Variants in PCDH15 observed in about 807,000 individuals in gnomAD.
PCDH15 encodes the protein protocadherin related 15, also known as protocadherin-15.
PCDH15 carries 129 observed loss-of-function variants against 178.5 expected under a neutral mutation model. The ratio of observed to expected loss-of-function variants is 0.72; its 90% confidence interval spans 0.63 to 0.84. The LOEUF (loss-of-function observed/expected upper bound fraction) is 0.84. Among genes scored for constraint, PCDH15 ranks in the 40% least tolerant of loss-of-function variants. The pLI, the probability that PCDH15 is intolerant of heterozygous loss-of-function variation, is 0.00. For missense variants in PCDH15, 2,230 were observed against 2,099.9 expected, an observed-to-expected ratio of 1.06 and a Z score of -1.21; for synonymous variants, 800 against 732.0, an observed-to-expected ratio of 1.09 and a Z score of -1.50.
chr10:54,503,225 ATGTGTGTGTGTG>A (rs35951831), intron 3 of PCDH15, among the ~76,000 whole-genome samples: 29 of 83,772 alleles, frequency 3.5e-4, no homozygotes, highest in Admixed American at 7.7e-4. Flanking sequence ...ATACATATAT[ATGTGTGTGTGTG>A]TGTGTGTGTG....
At chr10:54,610,165 T>G (rs2092913054) in intron 2 of PCDH15, among the ~76,000 whole-genome samples, 1 of 151,920 alleles carries the variant, frequency 6.6e-6, no homozygotes, top group South Asian at 2.1e-4. Flanking sequence ...AGGCTTTGTT[T>G]ACTGGTGCAG....
At chr10:54,435,055 T>A (rs367578429) in intron 3 of PCDH15, among the ~76,000 whole-genome samples, 1 of 151,592 alleles carries the variant, frequency 6.6e-6, no homozygotes, top group African/African-American at 2.4e-5. Context: ...TTTAAACTTA[T>A]CTTACTTCCT....
chr10:53,872,853 AC>A (rs1009024065), intron 26 of PCDH15, among the ~76,000 whole-genome samples: 9 of 152,172 alleles, frequency 5.9e-5, no homozygotes, highest in African/African-American at 2.2e-4. Context: ...GCTTTTCATC[AC>A]ATAACTAAAA....
intron 2 of PCDH15, among the ~76,000 whole-genome samples, chr10:54,596,209 G>A (rs939315571): frequency 6.6e-6 from 1 of 152,142 alleles, no homozygotes. Context: ...AAAGTAGCTA[G>A]AGAGAAAGGA....
At chr10:54,917,528 T>C (rs1837368812) in intron 2 of PCDH15, among the ~76,000 whole-genome samples, 1 of 152,210 alleles carries the variant, frequency 6.6e-6, no homozygotes, top group Admixed American at 6.6e-5. Flanking sequence ...GCCTGTGCTA[T>C]GATTACCATC....
intron 21 of PCDH15, among the ~76,000 whole-genome samples, chr10:53,973,757 A>C (rs2089959517): frequency 6.6e-6 from 1 of 152,188 alleles, no homozygotes; most frequent in South Asian, 2.1e-4. Context: ...TTTAGAAAAA[A>C]AAATCATAGC....
intron 2 of PCDH15, among the ~76,000 whole-genome samples, chr10:55,002,438 G>T (rs902470433): frequency 1.2e-4 from 19 of 152,144 alleles, no homozygotes; most frequent in African/African-American, 4.1e-4. Flanking sequence ...TTAATGCTTT[G>T]CTCACAGTAC....
chr10:54,950,280 G>T (rs899890388), intron 2 of PCDH15, among the ~76,000 whole-genome samples: 7 of 151,922 alleles, frequency 4.6e-5, no homozygotes, highest in African/African-American at 1.7e-4. Flanking sequence ...AAACAGAATT[G>T]AAATGGTTTG....
At chr10:55,392,340 G>T (rs1169448169) in intron 2 of PCDH15, among the ~76,000 whole-genome samples, 1 of 152,120 alleles carries the variant, frequency 6.6e-6, no homozygotes, top group Non-Finnish European at 1.5e-5. Flanking sequence ...GTTGCAAAGT[G>T]CAATAAAACA....
intron 3 of PCDH15, among the ~76,000 whole-genome samples, chr10:54,516,456 A>G (rs1046752430): frequency 2.0e-5 from 3 of 152,092 alleles, no homozygotes; most frequent in African/African-American, 7.2e-5. Flanking sequence ...AAGAAAGGGT[A>G]TCAGTGATGG....
intron 13 of PCDH15, among the ~76,000 whole-genome samples, chr10:54,175,545 G>A (rs187105374): frequency 6.6e-6 from 1 of 152,230 alleles, no homozygotes; most frequent in East Asian, 1.9e-4. Context: ...TGTGATAGTA[G>A]TTTATATAGT....
At chr10:53,807,164 T>C in intron 37 of PCDH15, 34 bp from the exon 38 acceptor site, 2 of 1,493,674 alleles carry the variant, frequency 1.3e-6, no homozygotes, top group Non-Finnish European at 1.8e-6. Flanking sequence ...TGAGTCACTA[T>C]CAAATAAATT....
chr10:54,326,196 G>A (rs74136126), intron 7 of PCDH15, among the ~76,000 whole-genome samples: 6,174 of 152,122 alleles, frequency 0.041, 375 homozygotes, highest in African/African-American at 0.14. Flanking sequence ...CCTCAAGCAA[G>A]TCTCAGCTGA....
intron 3 of PCDH15, among the ~76,000 whole-genome samples, chr10:54,419,306 A>G (rs755033608): frequency 2.2e-4 from 34 of 151,914 alleles, no homozygotes; most frequent in Non-Finnish European, 4.4e-4. Context: ...CAATTCTTTC[A>G]TAAGCAGTAT....
At chr10:55,467,251 G>A (rs1019509645) in intron 2 of PCDH15, among the ~76,000 whole-genome samples, 3 of 152,184 alleles carry the variant, frequency 2.0e-5, no homozygotes, top group East Asian at 3.9e-4. Context: ...GGCAGGCTGA[G>A]GCTAGTTCAG....
At chr10:53,942,801 C>G (rs911866009) in intron 23 of PCDH15, among the ~76,000 whole-genome samples, 2 of 152,156 alleles carry the variant, frequency 1.3e-5, no homozygotes, top group Admixed American at 6.5e-5. Context: ...GGAGAGGACA[C>G]AGCTAACCCA....
At chr10:53,809,284 T>C in intron 37 of PCDH15, 1 of 1,614,012 alleles carries the variant, frequency 6.2e-7, no homozygotes, top group South Asian at 1.1e-5. Flanking sequence ...TGTTGCTTCC[T>C]CTTGGTCCAG....
intron 2 of PCDH15, among the ~76,000 whole-genome samples, chr10:54,594,659 C>G (rs1485572078): frequency 6.6e-6 from 1 of 152,228 alleles, no homozygotes; most frequent in Non-Finnish European, 1.5e-5. Context: ...CCATACATCT[C>G]TTTGCCTGTA....
chr10:54,697,411 C>G (rs1036852424), intron 1 of PCDH15, among the ~76,000 whole-genome samples: 2 of 151,300 alleles, frequency 1.3e-5, no homozygotes, highest in Non-Finnish European at 2.9e-5. Context: ...TACATGATTA[C>G]CTGAGAACAC....
Sources: gnomAD v4.1 joint callset for allele counts (sites outside exome capture counted in the v4.1 genomes callset) on GRCh38, gnomAD v4.1.1 for gene constraint, MANE v1.5 for transcripts, NCBI Gene and HGNC (gene_info 2026-07-23, HGNC 2026-07-21) for gene names.